The following SMYD5 variants were observed in gnomAD, a reference collection of about 807,000 sequenced individuals.
The protein encoded by SMYD5 is protein-lysine N-trimethyltransferase SMYD5.
Under a neutral mutation model 57.4 loss-of-function variants are expected in SMYD5, and 35 were observed. The ratio of observed to expected loss-of-function variants is 0.61; its 90% CI spans 0.47 to 0.81. The LOEUF (loss-of-function observed/expected upper bound fraction) is 0.81, where lower values mean the gene tolerates loss of function less well. Among genes scored for constraint, SMYD5 ranks in the 30% least tolerant of loss-of-function variants. The pLI, the probability that SMYD5 is intolerant of heterozygous loss-of-function variation, is 0.00. For synonymous variants in SMYD5, 198 were observed against 189.7 expected (o/e 1.04, Z -0.36); for missense variants, 471 against 527.9 (o/e 0.89, Z 1.06).
intron 6 of SMYD5, among the ~76,000 whole-genome samples, chr2:73,222,509 C>A (rs1037408613): frequency 6.6e-6 from 1 of 152,220 alleles, no homozygotes; most frequent in African/African-American, 2.4e-5. Context: ...CAGGCTGCCT[C>A]AGCCTTGCTG....
In SMYD5 at chr2:73,223,065, C is replaced by T. The variant is rs771994562; in HGVS notation, c.735C>T (p.Leu245=). The change falls in exon 8 of 13, where the codon CTC becomes CTT. Residue 245 remains leucine, a synonymous_variant. Transcript: ENST00000389501. Reference sequence around the variant, plus strand: ...TCACTCCAGATGGATTCCGGTCTCTCTTTGCTCTTGTTGGGACCAATGGCC... The same window carrying T: ...TCACTCCAGATGGATTCCGGTCTCTTTTTGCTCTTGTTGGGACCAATGGCC... ...QWFTPDGFRS[L]FALVGTNGQG... 1 of 1,614,194 alleles carries T rather than the reference C, an allele frequency of 6.2e-7. No individual in the cohort carries two copies. Among genetic ancestry groups the T allele is most frequent in the African/African-American group, 1.3e-5 (1 of 75,054 alleles).
chr2:73,224,733 C>A, intron 10 of SMYD5, 133 bp from the exon 11 acceptor site: 1 of 654,900 alleles, frequency 1.5e-6, no homozygotes, highest in Non-Finnish European at 2.7e-6. Context: ...ATGCAGAGTC[C>A]AGAAACTTGG....
intron 1 of SMYD5, among the ~76,000 whole-genome samples, chr2:73,217,470 G>C (rs1686311684): frequency 6.6e-6 from 1 of 152,164 alleles, no homozygotes; most frequent in Non-Finnish European, 1.5e-5. Flanking sequence ...ATATTGTCGT[G>C]TCCCATAGAG....
chr2:73,215,262 G>A (rs1460363503), intron 1 of SMYD5, among the ~76,000 whole-genome samples: 1 of 152,148 alleles, frequency 6.6e-6, no homozygotes, highest in East Asian at 1.9e-4. Flanking sequence ...CTATTGATAT[G>A]TGTAAAATTA....
At position 73,226,002 on chromosome 2, in the gene SMYD5, TC is replaced by T; in HGVS notation, c.*61del. 7 of 1,538,278 alleles carry T rather than the reference TC, an allele frequency of 4.6e-6. No homozygotes were observed. The South Asian group carries it at 7.4e-5, about 16-fold the overall frequency. On this transcript the variant is annotated 3_prime_UTR_variant, in exon 13 of 13. Transcript: ENST00000389501. ...AGACCCTGCCAGAAAAGGGGGCTCT[TC>T]CCCCAGAGAAGTGGCTTGGAGGGAA...
chr2:73,221,756 T>G (rs1175981754), intron 5 of SMYD5, 70 bp from the exon 6 acceptor site: 1 of 1,074,236 alleles, frequency 9.3e-7, no homozygotes, highest in African/African-American at 1.6e-5. Flanking sequence ...TAGTGGTATT[T>G]CCCAAGTGGG....
Position 73,225,640 on chromosome 2 carries a change from A to G in SMYD5, c.1045A>G (p.Ile349Val), listed in dbSNP as rs377134667. ...EDIKPGEEIC[I>V]SYLDCCQRER... ...CTTCTCTGCCCTACAGGAAATTTGT[A>G]TCAGCTACTTGGACTGCTGTCAGCG... Residue 349 changes from isoleucine (I) to valine (V), a missense_variant, in exon 12 of 13, where the codon ATC (isoleucine) becomes GTC (valine). Ile to Val is a conservative substitution (Grantham distance 29). Coordinates refer to ENST00000389501, the MANE Select transcript of SMYD5 (RefSeq NM_006062.3). 64 of 1,614,064 alleles carry G rather than the reference A, an allele frequency of 4.0e-5. No individual in the cohort carries two copies. The highest frequency in any genetic ancestry group is 2.0e-4 in the Admixed American group (12 of 59,992).
intron 10 of SMYD5, 139 bp downstream of exon 10, chr2:73,224,142 T>G (rs1306002149): frequency 2.7e-6 from 2 of 739,446 alleles, no homozygotes; most frequent in South Asian, 1.5e-5. Flanking sequence ...AGGTCTGAGC[T>G]CCCACAGGAA....
Position 73,214,471 on chromosome 2 carries a change from T to C in SMYD5, c.96+109T>C. The C allele has an allele frequency of 3.2e-6, 5 of 1,556,954 alleles. No individual in the cohort carries two copies. The South Asian group carries it at 3.6e-5, about 11-fold the overall frequency. ...AGAGGCTTCTGTGCCGCTCGGACGC[T>C]ACGGCCCTGCCCCTGCTCGCGGCCC... On this transcript the variant is annotated intron_variant, in intron 1 of 12. Transcript: ENST00000389501.
In SMYD5 at chr2:73,226,104, C is replaced by T; in HGVS notation, c.*158C>T. The T allele has an allele frequency of 9.9e-7, 1 of 1,008,578 alleles. No individual in the cohort carries two copies. Among genetic ancestry groups the T allele is most frequent in the Non-Finnish European group, 1.4e-6 (1 of 708,924 alleles). The allele number at this position is 1,008,578 out of a possible 1,614,324, so 62.5% of individuals were successfully genotyped here. A position where few individuals can be genotyped will look rare whatever the true frequency, so the allele number is the denominator to read the frequency against. On this transcript the variant is annotated 3_prime_UTR_variant, in exon 13 of 13. Transcript: ENST00000389501. Reference sequence around the variant, plus strand: ...GGTAGGAGAGAGCCTGGATCTCTGGCCCCAACCCCCACCAGACCTCATGCC... The same window carrying T: ...GGTAGGAGAGAGCCTGGATCTCTGGTCCCAACCCCCACCAGACCTCATGCC...
At chr2:73,224,228 T>C (rs114130519) in intron 10 of SMYD5, among the ~76,000 whole-genome samples, 136 of 152,334 alleles carry the variant, frequency 8.9e-4, no homozygotes, top group African/African-American at 3.2e-3. Flanking sequence ...CCTGCTTATA[T>C]ATAAAACCTT....
chr2:73,225,807 T>A lies in SMYD5; in HGVS notation c.1118T>A (p.Leu373Gln). The change falls in exon 13 of 13, where the codon CTA becomes CAA. Residue 373 changes from leucine (L) to glutamine (Q), a missense_variant. Physicochemically the swap from Leu to Gln is moderately radical, Grantham distance 113 (BLOSUM62 -2). Transcript: ENST00000389501. ...SRHKILRENY[L>Q]FVCSCPKCLA... ...CCCCACCGCTGCAGGGAGAACTATC[T>A]ATTTGTCTGTTCCTGTCCCAAATGC... The A allele has an allele frequency of 3.1e-6, 5 of 1,614,066 alleles. No homozygotes were observed. The highest frequency in any genetic ancestry group is 4.2e-6 in the Non-Finnish European group (5 of 1,179,976).
chr2:73,224,037 G>C, intron 10 of SMYD5, 34 bp downstream of exon 10: 1 of 1,606,990 alleles, frequency 6.2e-7, no homozygotes, highest in Non-Finnish European at 8.5e-7. Context: ...ATGGTCCCAG[G>C]CGCTTCTGCC....
At chr2:73,222,915 C>T in intron 7 of SMYD5, 98 bp downstream of exon 7, 3 of 1,493,988 alleles carry the variant, frequency 2.0e-6, no homozygotes, top group Non-Finnish European at 2.8e-6. Context: ...TGAGCCAAAG[C>T]CGACTTGGTC....
At position 73,225,863 on chromosome 2, in the gene SMYD5, TCAGAAG is replaced by T; in HGVS notation, c.1175_1180del (p.Ser392_Glu394delinsTer). On this transcript the variant is annotated stop_gained and inframe_deletion, in exon 13 of 13. Transcript: ENST00000389501. LOFTEE classifies it high-confidence loss of function. ...AGAGGCTGATGAACCCAATGTGACCTCAGAAGAGGAAGAGGAAGAGGAGGAGGAGGA... is the reference window on the plus strand; with the variant it reads ...AGAGGCTGATGAACCCAATGTGACCTAGGAAGAGGAAGAGGAGGAGGAGGA... 6.2e-7 allele frequency: 1 copy of T among 1,613,964 alleles called. No individual in the cohort carries two copies. The highest frequency in any genetic ancestry group is 8.5e-7 in the Non-Finnish European group (1 of 1,179,954).
rs1686249854 is a variant in SMYD5 at position 73,214,325 on chromosome 2, G to A, written c.59G>A (p.Arg20Gln). The change falls in exon 1 of 13, where the codon CGG (arginine) becomes CAG (glutamine). Residue 20 changes from arginine (R) to glutamine (Q), a missense_variant. Transcript: ENST00000389501. ...SFCVGVAGRA[R>Q]VSVEVRFVSS... ...TGCGTGGGCGTGGCGGGCCGCGCGCGGGTCTCCGTGGAAGTCCGTTTCGTG... is the reference window on the plus strand; with the variant it reads ...TGCGTGGGCGTGGCGGGCCGCGCGCAGGTCTCCGTGGAAGTCCGTTTCGTG... 1 of 1,613,374 alleles carries A rather than the reference G, an allele frequency of 6.2e-7. No individual in the cohort carries two copies. The highest frequency in any genetic ancestry group is 1.3e-5 in the African/African-American group (1 of 74,896).
At chr2:73,221,723 A>G in intron 5 of SMYD5, 103 bp from the exon 6 acceptor site, 1 of 785,578 alleles carries the variant, frequency 1.3e-6, no homozygotes, top group East Asian at 2.5e-5. Flanking sequence ...CAGGCAGAGG[A>G]AGGGCCCCTA....
chr2:73,223,325 G>A (rs1005475678), intron 8 of SMYD5, 101 bp from the exon 9 acceptor site: 14 of 881,620 alleles, frequency 1.6e-5, no homozygotes, highest in Non-Finnish European at 2.5e-5. Context: ...GTGGGGTGGG[G>A]ATGGGAGACC....
chr2:73,220,729 C>T lies in SMYD5; in HGVS notation c.414C>T (p.Gly138=), dbSNP rs757334870. ...TEQYHQVLCP[G]PSQDDPLHPL... is the part of the protein sequence containing the mutation. ...AATACCACCAGGTCCTGTGCCCAGG[C>T]CCCTCCCAGGATGACCCCTTGCATC... Residue 138 remains glycine, a synonymous_variant, in exon 4 of 13, where the codon GGC becomes GGT. Coordinates refer to ENST00000389501, the MANE Select transcript of SMYD5 (RefSeq NM_006062.3). The T allele has an allele frequency of 1.9e-6, 3 of 1,614,038 alleles. No homozygotes were observed. The South Asian group carries it at 3.3e-5, about 18-fold the overall frequency.
Sources: gnomAD v4.1 joint callset for allele counts (sites outside exome capture counted in the v4.1 genomes callset) on GRCh38, gnomAD v4.1.1 for gene constraint, MANE v1.5 for transcripts, NCBI Gene and HGNC (gene_info 2026-07-23, HGNC 2026-07-21) for gene names.